NDUFA11: variants seen among roughly 807,000 people sequenced by gnomAD.
NDUFA11 encodes NADH dehydrogenase [ubiquinone] 1 alpha subcomplex subunit 11.
NDUFA11 carries 14 observed loss-of-function variants against 11.3 expected under a neutral mutation model. That is an observed-to-expected ratio of 1.24 (90% CI 0.82 to 1.94). The LOEUF (loss-of-function observed/expected upper bound fraction) is 1.94, where lower values mean the gene tolerates loss of function less well. Among genes scored for constraint, NDUFA11 ranks in the 30% most tolerant of loss-of-function variants. NDUFA11 has a pLI of 0.00. For synonymous variants in NDUFA11, 87 were observed against 85.6 expected (o/e 1.02, Z -0.09); for missense variants, 204 against 200.3 (o/e 1.02, Z -0.11).
intron 1 of NDUFA11, 132 bp downstream of exon 1, chr19:5,903,480 C>T: frequency 1.2e-6 from 1 of 863,246 alleles, no homozygotes. Flanking sequence ...TACGACCGCC[C>T]AAGACACCCC....
rs748228054 is a variant in NDUFA11, at chr19:5,896,635, C to T, written c.191-60G>A. The T allele has an allele frequency of 5.0e-5, 77 of 1,550,756 alleles. No homozygotes were observed. The highest frequency in any genetic ancestry group is 2.4e-5 in the East Asian group (1 of 41,084). ...ACGGGCACAGCAGGAGCCTCTTGGGCGCTCACTGCCAGTGTCTGGATGGAG... is the reference window on the plus strand; with the variant it reads ...ACGGGCACAGCAGGAGCCTCTTGGGTGCTCACTGCCAGTGTCTGGATGGAG... On this transcript the variant is annotated intron_variant, in intron 2 of 3. Transcript: ENST00000308961. The surrounding 1 kb of genome is among the most constrained non-coding windows in gnomAD (Gnocchi z 5.8).
chr19:5,898,317 C>T (rs1050429459), intron 1 of NDUFA11, among the ~76,000 whole-genome samples: 8 of 152,314 alleles, frequency 5.3e-5, no homozygotes, highest in Admixed American at 5.2e-4. Context: ...AGTGACCCCC[C>T]CCAACAGCAC....
chr19:5,902,687 G>A (rs978867399), intron 1 of NDUFA11: 1 of 152,530 alleles, frequency 6.6e-6, no homozygotes, highest in Non-Finnish European at 1.5e-5. Flanking sequence ...GGCTGGAAGG[G>A]GCAAGACTCA....
intron 1 of NDUFA11, among the ~76,000 whole-genome samples, chr19:5,900,380 CTTCATTCA>C (rs539480163): frequency 3.9e-5 from 6 of 152,190 alleles, no homozygotes; most frequent in African/African-American, 1.4e-4. Flanking sequence ...CCACAAGATG[CTTCATTCA>C]TTCATTCATT....
chr19:5,894,855 CTGTGGGAGTGGGGAGGTGA>C lies in NDUFA11; in HGVS notation c.314-20_314-2del. The C allele has an allele frequency of 6.2e-7, 1 of 1,600,716 alleles. No individual in the cohort carries two copies. Among genetic ancestry groups the C allele is most frequent in the South Asian group, 1.1e-5 (1 of 89,342 alleles). On this transcript the variant is annotated splice_acceptor_variant and splice_polypyrimidine_tract_variant and intron_variant, in intron 3 of 3. Transcript: ENST00000308961. LOFTEE classifies it high-confidence loss of function. ...GCGGCGCCAATCCCGTAGTTGTGCG[CTGTGGGAGTGGGGAGGTGA>C]TGTCAGGCCCGGGTGGGGCTCGGCC...
At chr19:5,893,169 C>T, downstream of NDUFA11, 1 of 1,536,070 alleles carries the variant, frequency 6.5e-7, no homozygotes, top group Non-Finnish European at 8.7e-7. This position sits in a 1 kb window ranked among gnomAD's most constrained non-coding sequence, Gnocchi z 4.1. Flanking sequence ...AAGAAGGGAC[C>T]CAGAATCTCT....
intron 1 of NDUFA11, among the ~76,000 whole-genome samples, chr19:5,897,309 C>T (rs574552560): frequency 1.6e-3 from 247 of 152,324 alleles, no homozygotes; most frequent in African/African-American, 5.7e-3. Context: ...GGCAGGGCAC[C>T]GGCCGGCAGA....
At position 5,903,750 on chromosome 19, in the gene NDUFA11, G is replaced by A. The variant is rs750563957; in HGVS notation, c.-42C>T. 2 of 1,544,922 alleles carry A rather than the reference G, an allele frequency of 1.3e-6. No individual in the cohort carries two copies. Among genetic ancestry groups the A allele is most frequent in the South Asian group, 1.2e-5 (1 of 83,930 alleles). On this transcript the variant is annotated 5_prime_UTR_variant, in exon 1 of 4. Transcript: ENST00000308961. ...CCCGCACCACGGACCCCGCCAGCTCGGGAAGCGCAAGGGCAGCCGCGGCTG... is the reference window on the plus strand; with the variant it reads ...CCCGCACCACGGACCCCGCCAGCTCAGGAAGCGCAAGGGCAGCCGCGGCTG...
chr19:5,892,971 G>A (rs1228448432), downstream of NDUFA11: 5 of 1,508,376 alleles, frequency 3.3e-6, no homozygotes, highest in Admixed American at 2.1e-5. Context: ...TTAGGGCTTG[G>A]ACAGGTGTCA....
chr19:5,896,805 G>A lies in NDUFA11; in HGVS notation c.190+100C>T, dbSNP rs555896583. On this transcript the variant is annotated intron_variant, in intron 2 of 3. Coordinates refer to ENST00000308961, the MANE Select transcript of NDUFA11 (RefSeq NM_175614.5). The surrounding 1 kb of genome is among the most constrained non-coding windows in gnomAD (Gnocchi z 5.8). ...TCCGGATGGCCAGCACTGTGGACAC[G>A]GGCTGGGGAGTCAGAGAGAAGAGGC... is the stretch of plus-strand genomic sequence containing the variant. 1,294 of 1,233,252 alleles carry A rather than the reference G, an allele frequency of 1.0e-3. 20 individuals carry two copies. The South Asian group carries it at 0.014, about 13-fold the overall frequency. The allele number at this position is 1,233,252 out of a possible 1,614,324, so 76.4% of individuals were successfully genotyped here.
chr19:5,893,186 A>C, downstream of NDUFA11: 1 of 1,536,104 alleles, frequency 6.5e-7, no homozygotes. The surrounding 1 kb of genome is among the most constrained non-coding windows in gnomAD (Gnocchi z 4.1). Context: ...CTCTGTACAC[A>C]GTGGCTCATG....
intron 1 of NDUFA11, among the ~76,000 whole-genome samples, chr19:5,902,806 C>G (rs748479101): frequency 2.0e-5 from 3 of 152,068 alleles, no homozygotes; most frequent in Non-Finnish European, 2.9e-5. Context: ...ACCAGGAGTT[C>G]CAGATCAGTC....
At position 5,894,819 on chromosome 19, in the gene NDUFA11, A is replaced by G; in HGVS notation, c.349T>C (p.Tyr117His). The G allele has an allele frequency of 6.2e-7, 1 of 1,613,052 alleles. No individual in the cohort carries two copies. Among genetic ancestry groups the G allele is most frequent in the South Asian group, 1.1e-5 (1 of 90,894 alleles). ...NYGIGAAACV[Y>H]FGIAASLVKM... ...ACCAGGGAGGCCGCTATGCCAAAGTACACGCAGGCGGCGGCGCCAATCCCG... is the reference window on the plus strand; with the variant it reads ...ACCAGGGAGGCCGCTATGCCAAAGTGCACGCAGGCGGCGGCGCCAATCCCG... The change falls in exon 4 of 4, where the codon TAC becomes CAC. Residue 117 changes from tyrosine (Y) to histidine (H), a missense_variant. Coordinates refer to ENST00000308961, the MANE Select transcript of NDUFA11 (RefSeq NM_175614.5).
At chr19:5,899,107 T>C (rs1256993745) in intron 1 of NDUFA11, among the ~76,000 whole-genome samples, 1 of 151,450 alleles carries the variant, frequency 6.6e-6, no homozygotes, top group Non-Finnish European at 1.5e-5. Context: ...AATTCTTTTA[T>C]GTATTTACTA....
downstream of NDUFA11, chr19:5,891,405 G>A (rs138456526): frequency 0.011 from 1,688 of 152,250 alleles, 12 homozygotes; most frequent in South Asian, 0.028. Flanking sequence ...GATTACAGGT[G>A]CCTGCCACCA....
intron 1 of NDUFA11, among the ~76,000 whole-genome samples, chr19:5,899,451 CTTTTTTTTTT>C (rs71172780): frequency 1.6e-4 from 11 of 68,846 alleles, no homozygotes; most frequent in Non-Finnish European, 5.3e-5. Context: ...CGCCCGGACT[CTTTTTTTTTT>C]TTTTTTTTTT....
rs186551503 is a variant in NDUFA11 at position 5,898,745 on chromosome 19, A to C, written c.98-1748T>G. 1.9e-3 allele frequency among the ~76,000 whole-genome samples: 290 copies of C among 152,094 alleles called. 3 individuals carry two copies. The highest frequency in any genetic ancestry group is 3.2e-3 in the Admixed American group (49 of 15,268). The stretch of plus-strand genomic sequence containing the variant: ...AAAAATTAGCCAGGCATGGTGGTAC[A>C]CATCTGTAGTCCCAGCTACTTGGGA... On this transcript the variant is annotated intron_variant, in intron 1 of 3. Coordinates refer to ENST00000308961, the MANE Select transcript of NDUFA11 (RefSeq NM_175614.5).
At chr19:5,892,590 A>T, downstream of NDUFA11, 1 of 235,102 alleles carries the variant, frequency 4.3e-6, no homozygotes, top group Non-Finnish European at 8.4e-6. Flanking sequence ...AAGGGGGATG[A>T]GGGACAGACA....
chr19:5,896,977 T>G lies in NDUFA11; in HGVS notation c.118A>C (p.Arg40=). Residue 40 remains arginine, a synonymous_variant, in exon 2 of 4, where the codon AGA becomes CGA. Coordinates refer to ENST00000308961, the MANE Select transcript of NDUFA11 (RefSeq NM_175614.5). This position sits in a 1 kb window ranked among gnomAD's most constrained non-coding sequence, Gnocchi z 5.8. ...GTGCCCGGAGGATTGAGTGTGACTC[T>G]GTAGGCAGCGGCGGTCAGGCCTGCG... ...SVAGLTAAAY[R]VTLNPPGTFL... 3 of 1,614,120 alleles carry G rather than the reference T, an allele frequency of 1.9e-6. No homozygotes were observed. The highest frequency in any genetic ancestry group is 2.5e-6 in the Non-Finnish European group (3 of 1,180,018).
Sources: allele counts gnomAD v4.1 joint callset (sites outside exome capture counted in the v4.1 genomes callset), GRCh38; gene constraint gnomAD v4.1.1; non-coding constraint Gnocchi (gnomAD v3.1); transcripts MANE v1.5; gene names NCBI Gene and HGNC (gene_info 2026-07-23, HGNC 2026-07-21).